Variants in VAV3 observed in about 807,000 individuals in gnomAD.
VAV3 encodes the protein vav guanine nucleotide exchange factor 3.
A neutral mutation model predicts 131.2 loss-of-function variants in VAV3; 94 were observed. The ratio of observed to expected loss-of-function variants is 0.72; its 90% confidence interval spans 0.61 to 0.85. The LOEUF (loss-of-function observed/expected upper bound fraction) is 0.85, where lower values mean the gene tolerates loss of function less well. Among genes scored for constraint, VAV3 ranks in the 40% least tolerant of loss-of-function variants. VAV3 has a pLI of 0.00. For synonymous variants in VAV3, 349 were observed against 342.0 expected (o/e 1.02, Z -0.22); for missense variants, 939 against 1,002.7 (o/e 0.94, Z 0.86).
At chr1:107,684,158 C>T (rs1307454115) in intron 18 of VAV3, among the ~76,000 whole-genome samples, 1 of 152,114 alleles carries the variant, frequency 6.6e-6, no homozygotes, top group Non-Finnish European at 1.5e-5. Flanking sequence ...CTTTGCATTA[C>T]AAAAATTACA....
chr1:107,925,363 T>C (rs1390378146), intron 1 of VAV3, among the ~76,000 whole-genome samples: 1 of 152,148 alleles, frequency 6.6e-6, no homozygotes, highest in Non-Finnish European at 1.5e-5. Context: ...AATTTAAAAG[T>C]TGAATTTGTA....
In VAV3 at chr1:107,704,971, C is replaced by A; in HGVS notation, c.1593G>T (p.Gln531His). The A allele has an allele frequency of 1.2e-6, 2 of 1,613,782 alleles. No individual in the cohort carries two copies. Among genetic ancestry groups the A allele is most frequent in the Non-Finnish European group, 1.7e-6 (2 of 1,179,848 alleles). The change falls in exon 16 of 27, where the codon CAG (glutamine) becomes CAT (histidine). Residue 531 changes from glutamine to histidine, a missense_variant. Physicochemically the swap from Gln to His is conservative, Grantham distance 24 (BLOSUM62 0). Transcript: ENST00000370056. ...FTRVTSCKVC[Q>H]MLLRGTFYQG... ...CTGAGCAGGCTTACCTCAGGAGCAT[C>A]TGGCAGACTTTGCAGGATGTGACTC...
intron 10 of VAV3, among the ~76,000 whole-genome samples, chr1:107,759,121 T>C (rs182534729): frequency 6.6e-6 from 1 of 152,204 alleles, no homozygotes; most frequent in Non-Finnish European, 1.5e-5. Flanking sequence ...CAGCTTATAC[T>C]TCATTTTTCC....
intron 1 of VAV3, among the ~76,000 whole-genome samples, chr1:107,929,050 C>T (rs1206746762): frequency 6.6e-6 from 1 of 151,860 alleles, no homozygotes; most frequent in Non-Finnish European, 1.5e-5. Flanking sequence ...CCAGTACAAC[C>T]GGCAGTAGAC....
intron 24 of VAV3, among the ~76,000 whole-genome samples, chr1:107,597,104 C>T (rs1023278679): frequency 4.0e-5 from 6 of 151,888 alleles, no homozygotes; most frequent in Non-Finnish European, 7.4e-5. Flanking sequence ...TGTATCTTAT[C>T]ATCAAATGAG....
At chr1:107,948,933 G>T (rs1004131652) in intron 1 of VAV3, among the ~76,000 whole-genome samples, 1 of 152,154 alleles carries the variant, frequency 6.6e-6, no homozygotes, top group Non-Finnish European at 1.5e-5. Flanking sequence ...GATTAATATG[G>T]TTTTTTAATT....
chr1:107,649,831 C>T (rs1312459538), intron 19 of VAV3, among the ~76,000 whole-genome samples: 1 of 152,014 alleles, frequency 6.6e-6, no homozygotes, highest in African/African-American at 2.4e-5. Context: ...GTGAATGCTA[C>T]CATAAATAAG....
At chr1:107,910,542 TCA>T (rs1672319225) in intron 1 of VAV3, among the ~76,000 whole-genome samples, 1 of 152,184 alleles carries the variant, frequency 6.6e-6, no homozygotes, top group African/African-American at 2.4e-5. Context: ...TAATTGAAGG[TCA>T]CAGTAATGAC....
chr1:107,857,218 A>G (rs1238974011), intron 2 of VAV3, among the ~76,000 whole-genome samples: 1 of 152,140 alleles, frequency 6.6e-6, no homozygotes, highest in African/African-American at 2.4e-5. Context: ...AAGCAGGCAG[A>G]AAAACACGAA....
intron 15 of VAV3, among the ~76,000 whole-genome samples, chr1:107,715,418 C>G (rs142873612): frequency 9.5e-4 from 145 of 152,240 alleles, no homozygotes; most frequent in African/African-American, 3.2e-3. Flanking sequence ...AAATGATCAT[C>G]TATGTATTAC....
intron 19 of VAV3, among the ~76,000 whole-genome samples, chr1:107,656,442 G>C (rs1450619629): frequency 6.6e-6 from 1 of 152,104 alleles, no homozygotes; most frequent in Non-Finnish European, 1.5e-5. Flanking sequence ...GTATATTCAT[G>C]GTTACCAGAG....
intron 9 of VAV3, among the ~76,000 whole-genome samples, chr1:107,764,830 C>T (rs1468378688): frequency 1.3e-5 from 2 of 152,146 alleles, no homozygotes; most frequent in East Asian, 3.8e-4. Context: ...GTACCTATTT[C>T]ACAGAGTCAG....
chr1:107,859,359 C>T (rs1366803048), intron 2 of VAV3, among the ~76,000 whole-genome samples: 1 of 152,134 alleles, frequency 6.6e-6, no homozygotes, highest in Non-Finnish European at 1.5e-5. Context: ...GACGTTGAGC[C>T]AGCACACCTA....
chr1:107,672,011 T>C (rs1657837835), intron 19 of VAV3: 1 of 152,170 alleles, frequency 6.6e-6, no homozygotes, highest in Non-Finnish European at 1.5e-5. Context: ...CTCACACCTG[T>C]AATCCCAGCA....
intron 15 of VAV3, among the ~76,000 whole-genome samples, chr1:107,726,982 T>G (rs1225561068): frequency 6.6e-6 from 1 of 152,182 alleles, no homozygotes; most frequent in Non-Finnish European, 1.5e-5. Context: ...CTAACATTAT[T>G]TTTGAAAATA....
At chr1:107,952,642 T>A (rs1674612181) in intron 1 of VAV3, among the ~76,000 whole-genome samples, 1 of 151,756 alleles carries the variant, frequency 6.6e-6, no homozygotes, top group Non-Finnish European at 1.5e-5. Context: ...CCTACCAAAC[T>A]TTAGCCATGC....
chr1:107,745,970 C>T (rs1663318164), intron 15 of VAV3, among the ~76,000 whole-genome samples: 1 of 152,158 alleles, frequency 6.6e-6, no homozygotes, highest in Admixed American at 6.5e-5. Context: ...TGGAGATACA[C>T]AAGGCTTGCT....
At chr1:107,919,504 A>G (rs899030626) in intron 1 of VAV3, among the ~76,000 whole-genome samples, 4 of 152,214 alleles carry the variant, frequency 2.6e-5, no homozygotes, top group Admixed American at 1.3e-4. Context: ...TATCTTCTAC[A>G]AGACTATTGT....
chr1:107,944,972 A>T (rs1674181361), intron 1 of VAV3, among the ~76,000 whole-genome samples: 1 of 152,208 alleles, frequency 6.6e-6, no homozygotes, highest in South Asian at 2.1e-4. Flanking sequence ...CTTTTGGGAT[A>T]TGCAAACCAA....
Sources: allele counts gnomAD v4.1 joint callset (sites outside exome capture counted in the v4.1 genomes callset), GRCh38; gene constraint gnomAD v4.1.1; transcripts MANE v1.5; gene names NCBI Gene and HGNC (gene_info 2026-07-23, HGNC 2026-07-21).